Variants in MAP2K4 observed in about 807,000 individuals in gnomAD.
MAP2K4 encodes dual specificity mitogen-activated protein kinase kinase 4.
MAP2K4 carries 4 observed loss-of-function variants against 48.5 expected under a neutral mutation model. That is an observed-to-expected ratio of 0.08 (90% CI 0.04 to 0.19). The LOEUF (loss-of-function observed/expected upper bound fraction) is 0.19, where lower values mean the gene tolerates loss of function less well. Ranked by LOEUF, MAP2K4 falls within the 10% of genes least tolerant of loss-of-function variation. The pLI, the probability that MAP2K4 is intolerant of heterozygous loss-of-function variation, is 1.00. For missense variants in MAP2K4, 258 were observed against 493.3 expected (o/e 0.52, Z 4.52); for synonymous variants, 166 against 173.1 (o/e 0.96, Z 0.32).
rs1266804062 is a variant in MAP2K4 at position 12,142,293 on chromosome 17, A to C, written c.*1033A>C. On this transcript the variant is annotated 3_prime_UTR_variant, in exon 11 of 11. Coordinates refer to ENST00000353533, the MANE Select transcript of MAP2K4 (RefSeq NM_003010.4). ...GATTGATTAGATAAAGATTTCTAGT[A>C]GGCAGCAAAAGACCAAATCTCAGTT... The C allele has an allele frequency of 4.3e-6, 1 of 233,454 alleles. No individual in the cohort carries two copies. The allele number at this position is 233,454 out of a possible 1,614,324, so 14.5% of individuals were successfully genotyped here. A position where few individuals can be genotyped will look rare whatever the true frequency, so the allele number is the denominator to read the frequency against.
chr17:12,028,850 C>G (rs1439894688), intron 1 of MAP2K4, among the ~76,000 whole-genome samples: 1 of 152,108 alleles, frequency 6.6e-6, no homozygotes, highest in Non-Finnish European at 1.5e-5. Context: ...ATGGAGATAA[C>G]TACAAAACCT....
At chr17:12,095,327 A>G (rs1971699346) in intron 3 of MAP2K4, 1 of 482,864 alleles carries the variant, frequency 2.1e-6, no homozygotes, top group Non-Finnish European at 3.8e-6. Context: ...CAACATTATT[A>G]GTAAATGCTC....
chr17:12,035,114 A>G (rs1969552750), intron 1 of MAP2K4, among the ~76,000 whole-genome samples: 1 of 152,206 alleles, frequency 6.6e-6, no homozygotes, highest in Non-Finnish European at 1.5e-5. Flanking sequence ...TGTGATTTGC[A>G]TGACTTAAAA....
intron 1 of MAP2K4, among the ~76,000 whole-genome samples, chr17:12,045,893 G>C (rs993613817): frequency 9.2e-5 from 14 of 152,166 alleles, no homozygotes; most frequent in Admixed American, 9.2e-4. Flanking sequence ...ATGCCCTTTG[G>C]ATTTGCCAGA....
chr17:12,024,499 T>C (rs1969194791), intron 1 of MAP2K4, among the ~76,000 whole-genome samples: 3 of 152,180 alleles, frequency 2.0e-5, no homozygotes, highest in Non-Finnish European at 4.4e-5. Context: ...CCAACCTTTA[T>C]ACGTTGAGTA....
intron 2 of MAP2K4, among the ~76,000 whole-genome samples, chr17:12,058,014 G>T (rs776951659): frequency 6.6e-6 from 1 of 151,418 alleles, no homozygotes; most frequent in African/African-American, 2.4e-5. Context: ...TTTGGTTATA[G>T]ATCATCACCT....
At chr17:12,097,653 A>G (rs775765370) in intron 4 of MAP2K4, among the ~76,000 whole-genome samples, 5 of 152,194 alleles carry the variant, frequency 3.3e-5, no homozygotes, top group Non-Finnish European at 1.5e-5. Flanking sequence ...TTGTTTTCAC[A>G]TATGTTTTCT....
At chr17:12,119,751 A>G (rs1972622078) in intron 7 of MAP2K4, among the ~76,000 whole-genome samples, 1 of 152,368 alleles carries the variant, frequency 6.6e-6, no homozygotes, top group African/African-American at 2.4e-5. Flanking sequence ...CTAAATGTCC[A>G]TCAGTGGAAG....
chr17:12,021,256 C>G (rs937856480), intron 1 of MAP2K4: 1 of 275,784 alleles, frequency 3.6e-6, no homozygotes, highest in Non-Finnish European at 6.7e-6. Context: ...GGGCTCTCAG[C>G]AGGCCCGCAG....
At chr17:12,033,337 C>CAA (rs141480079) in intron 1 of MAP2K4, among the ~76,000 whole-genome samples, 1 of 151,178 alleles carries the variant, frequency 6.6e-6, no homozygotes, top group Non-Finnish European at 1.5e-5. Flanking sequence ...GATTCAAAGG[C>CAA]AAAAAAAATT....
rs1973380119 is a variant in MAP2K4, at chr17:12,141,605, A to C, written c.*345A>C. 1 of 310,322 alleles carries C rather than the reference A, an allele frequency of 3.2e-6. No individual in the cohort carries two copies. The highest frequency in any genetic ancestry group is 6.0e-6 in the Non-Finnish European group (1 of 165,872). 19.2% of individuals were successfully genotyped at this position (310,322 alleles called of 1,614,324 possible). ...CAAAACCTGGAGATGCAGCTACTGG[A>C]ATGGTGTTTTGTCAGACTTCCAAAT... is the stretch of plus-strand genomic sequence containing the variant. On this transcript the variant is annotated 3_prime_UTR_variant, in exon 11 of 11. Coordinates refer to ENST00000353533, the MANE Select transcript of MAP2K4 (RefSeq NM_003010.4).
intron 3 of MAP2K4, among the ~76,000 whole-genome samples, chr17:12,092,162 A>G (rs1971583750): frequency 6.6e-6 from 1 of 152,246 alleles, no homozygotes; most frequent in East Asian, 1.9e-4. Flanking sequence ...AGGGAAAAAA[A>G]GGTTTGCTGA....
At chr17:12,102,495 C>G (rs1971966967) in intron 4 of MAP2K4, among the ~76,000 whole-genome samples, 1 of 151,904 alleles carries the variant, frequency 6.6e-6, no homozygotes, top group Non-Finnish European at 1.5e-5. Context: ...GTTTTCTTTT[C>G]TTATTTTTGT....
intron 2 of MAP2K4, among the ~76,000 whole-genome samples, chr17:12,067,534 T>C (rs1970656394): frequency 1.3e-5 from 2 of 152,208 alleles, no homozygotes; most frequent in African/African-American, 4.8e-5. Flanking sequence ...CAGCGGGCAC[T>C]GCAGGTTTAC....
chr17:12,090,849 A>G (rs1330688592), intron 3 of MAP2K4, among the ~76,000 whole-genome samples: 3 of 152,146 alleles, frequency 2.0e-5, no homozygotes, highest in African/African-American at 7.2e-5. Flanking sequence ...CTTCCACTCC[A>G]GTCCTTAAGC....
chr17:12,113,390 G>A, intron 7 of MAP2K4, 30 bp downstream of exon 7: 1 of 1,608,790 alleles, frequency 6.2e-7, no homozygotes, highest in Non-Finnish European at 8.5e-7. Context: ...CTTCTTGCTT[G>A]ATAGTCATTG....
chr17:12,065,478 T>C (rs1970587174), intron 2 of MAP2K4, among the ~76,000 whole-genome samples: 1 of 151,998 alleles, frequency 6.6e-6, no homozygotes, highest in African/African-American at 2.4e-5. Flanking sequence ...TTTTGTATTT[T>C]TAGTAGAGAC....
At chr17:12,073,834 G>A (rs1333129433) in intron 2 of MAP2K4, among the ~76,000 whole-genome samples, 2 of 149,480 alleles carry the variant, frequency 1.3e-5, no homozygotes, top group Non-Finnish European at 3.0e-5. Context: ...GTGCAGTGGC[G>A]TGATCTCGGC....
rs5819350 is a variant in MAP2K4, at chr17:12,088,911, C to CT, written c.394-6646dup. On this transcript the variant is annotated intron_variant, in intron 3 of 10. Transcript: ENST00000353533. ...TTACTTGAAATACAGAATACAGATT[C>CT]TTTTTTTTTTTTTTTTTTGAGACAG... 6.7e-3 allele frequency among the ~76,000 whole-genome samples: 861 copies of CT among 128,202 alleles called. 4 individuals are homozygous for CT. Among genetic ancestry groups the CT allele is most frequent in the African/African-American group, 0.014 (505 of 35,254 alleles). 84.1% of individuals were successfully genotyped at this position (128,202 alleles called of 152,430 possible).
Sources: allele counts gnomAD v4.1 joint callset (sites outside exome capture counted in the v4.1 genomes callset), GRCh38; gene constraint gnomAD v4.1.1; transcripts MANE v1.5; gene names NCBI Gene and HGNC (gene_info 2026-07-23, HGNC 2026-07-21).